Variants in MED27 observed in about 807,000 individuals in gnomAD.
MED27 encodes the protein mediator of RNA polymerase II transcription subunit 27.
In MED27, 30 loss-of-function variants were observed where a neutral mutation model predicts 38.2. The observed-to-expected ratio is 0.79, with a 90% CI of 0.59 to 1.07. The LOEUF (loss-of-function observed/expected upper bound fraction) is 1.07. Ranked by LOEUF, MED27 falls within the 50% of genes least tolerant of loss-of-function variation. MED27 has a pLI of 0.00. For missense variants in MED27, 289 were observed against 397.5 expected (o/e 0.73, Z 2.32); for synonymous variants, 122 against 153.5 (o/e 0.79, Z 1.52).
chr9:132,068,384 G>C (rs1833856104), intron 2 of MED27, among the ~76,000 whole-genome samples: 2 of 152,116 alleles, frequency 1.3e-5, no homozygotes, highest in African/African-American at 4.8e-5. Context: ...GAGAGAGGGA[G>C]GAAATCACCG....
chr9:131,972,787 G>A (rs967985625), intron 3 of MED27, among the ~76,000 whole-genome samples: 1 of 152,156 alleles, frequency 6.6e-6, no homozygotes, highest in Non-Finnish European at 1.5e-5. Flanking sequence ...CATCAGTCCT[G>A]TTCAGAAAAC....
At chr9:131,908,143 C>A (rs557046304) in intron 4 of MED27, among the ~76,000 whole-genome samples, 1 of 146,952 alleles carries the variant, frequency 6.8e-6, no homozygotes, top group African/African-American at 2.5e-5. Flanking sequence ...GTCAGCCCCC[C>A]GCTCGGCCAG....
chr9:131,907,249 C>T (rs564037051), intron 4 of MED27, among the ~76,000 whole-genome samples: 4 of 152,128 alleles, frequency 2.6e-5, no homozygotes, highest in Admixed American at 6.5e-5. Flanking sequence ...TCTCTTTCCA[C>T]GGTCTCCCTC....
chr9:131,907,355 C>T (rs1396547165), intron 4 of MED27, among the ~76,000 whole-genome samples: 2 of 152,152 alleles, frequency 1.3e-5, no homozygotes, highest in Admixed American at 1.3e-4. Context: ...GTGCCTGCGA[C>T]TGCAGGCACG....
chr9:132,052,602 G>T (rs1441920501), intron 2 of MED27, among the ~76,000 whole-genome samples: 1 of 151,782 alleles, frequency 6.6e-6, no homozygotes, highest in East Asian at 1.9e-4. Flanking sequence ...TGGTTTCAGC[G>T]TAACCATCAC....
intron 4 of MED27, among the ~76,000 whole-genome samples, chr9:131,930,560 C>G (rs888646060): frequency 2.0e-5 from 3 of 151,930 alleles, no homozygotes; most frequent in African/African-American, 7.3e-5. Flanking sequence ...CTTTTTCAGA[C>G]AAACAAAACC....
chr9:132,071,860 A>G (rs1351623787), intron 2 of MED27, among the ~76,000 whole-genome samples: 3 of 151,842 alleles, frequency 2.0e-5, no homozygotes, highest in Non-Finnish European at 2.9e-5. Context: ...GAACAAGCAC[A>G]CACACACACA....
At chr9:131,877,905 A>G (rs1038164687) in intron 6 of MED27, among the ~76,000 whole-genome samples, 8 of 152,156 alleles carry the variant, frequency 5.3e-5, no homozygotes, top group Non-Finnish European at 8.8e-5. Context: ...TCTTTTACTG[A>G]AAAGCACCTG....
intron 4 of MED27, among the ~76,000 whole-genome samples, chr9:131,928,212 A>G (rs1830516776): frequency 6.6e-6 from 1 of 152,154 alleles, no homozygotes; most frequent in South Asian, 2.1e-4. Context: ...GTCTTTCCCT[A>G]CTGATCACAA....
At chr9:131,999,863 T>C (rs1197038290) in intron 3 of MED27, among the ~76,000 whole-genome samples, 3 of 151,986 alleles carry the variant, frequency 2.0e-5, no homozygotes, top group East Asian at 3.9e-4. Flanking sequence ...TAAGCAAAAC[T>C]TGGAGTGTTT....
intron 4 of MED27, among the ~76,000 whole-genome samples, chr9:131,902,514 A>G (rs549149976): frequency 4.6e-5 from 7 of 152,334 alleles, no homozygotes; most frequent in Non-Finnish European, 7.3e-5. Flanking sequence ...CGGGACAGTA[A>G]CTGAATCATA....
At chr9:132,037,899 T>C (rs1421594211) in intron 2 of MED27, among the ~76,000 whole-genome samples, 1 of 152,076 alleles carries the variant, frequency 6.6e-6, no homozygotes, top group African/African-American at 2.4e-5. Flanking sequence ...GCAGGATATG[T>C]CATCTGCCTC....
chr9:131,893,760 A>G (rs1341482035), intron 5 of MED27, 125 bp downstream of exon 5: 1 of 681,066 alleles, frequency 1.5e-6, no homozygotes, highest in East Asian at 2.7e-5. Context: ...TCACACTGAC[A>G]AATCTATGTT....
rs561794960 is a variant in MED27 at position 132,068,635 on chromosome 9, G to A, written c.348+8807C>T. The stretch of plus-strand genomic sequence containing the variant: ...GAGGGTGTGAGGGACAGGCAGAAGC[G>A]ACGGATGACACCCAGGGATCTGGGT... On this transcript the variant is annotated intron_variant, in intron 2 of 7. Transcript: ENST00000292035. 2.6e-4 allele frequency among the ~76,000 whole-genome samples: 40 copies of A among 152,248 alleles called. No homozygotes were observed. In the East Asian group the frequency reaches 6.4e-3, roughly 24 times the overall value.
chr9:131,984,198 G>A (rs571291757), intron 3 of MED27, among the ~76,000 whole-genome samples: 18 of 152,236 alleles, frequency 1.2e-4, no homozygotes, highest in African/African-American at 4.3e-4. Context: ...ACCTCCCACA[G>A]GCCCAGCTCT....
At position 131,982,233 on chromosome 9, in the gene MED27, C is replaced by G. The variant is rs757676397; in HGVS notation, c.479+32104G>C. On this transcript the variant is annotated intron_variant, in intron 3 of 7. Transcript: ENST00000292035. This position sits in a 1 kb window ranked among gnomAD's most constrained non-coding sequence, Gnocchi z 4.3. ...CCTAAGCCCCAAGAATGCTTGGCAG[C>G]TTTTGCTTTCGCACTCTTGGGAACC... 8.5e-5 allele frequency among the ~76,000 whole-genome samples: 13 copies of G among 152,352 alleles called. No individual in the cohort carries two copies. The highest frequency in any genetic ancestry group is 2.1e-4 in the South Asian group (1 of 4,822).
In MED27 at chr9:131,863,060, T is replaced by C. The variant is rs1198475633; in HGVS notation, c.801+3A>G. Reference sequence around the variant, plus strand: ...AGGAGACCTGACTCTTGAAGCCACTTACCATGAAGGATCGGACCACGACAT... The same window carrying C: ...AGGAGACCTGACTCTTGAAGCCACTCACCATGAAGGATCGGACCACGACAT... On this transcript the variant is annotated splice_donor_region_variant and intron_variant, in intron 7 of 7. Transcript: ENST00000292035. 6.2e-7 allele frequency: 1 copy of C among 1,613,874 alleles called. No individual in the cohort carries two copies. Among genetic ancestry groups the C allele is most frequent in the South Asian group, 1.1e-5 (1 of 91,056 alleles).
intron 3 of MED27, among the ~76,000 whole-genome samples, chr9:132,008,693 C>T (rs979310368): frequency 5.5e-4 from 84 of 152,322 alleles, no homozygotes; most frequent in Admixed American, 1.8e-3. Flanking sequence ...ATTCCTGCCA[C>T]GCCTGTGCTC....
At chr9:131,976,234 C>G (rs889694534) in intron 3 of MED27, among the ~76,000 whole-genome samples, 1 of 152,150 alleles carries the variant, frequency 6.6e-6, no homozygotes, top group African/African-American at 2.4e-5. Context: ...GAACTAAAGT[C>G]AGGTGAGCCC....
Sources: gnomAD v4.1 joint callset for allele counts (sites outside exome capture counted in the v4.1 genomes callset) on GRCh38, gnomAD v4.1.1 for gene constraint, Gnocchi (gnomAD v3.1) non-coding constraint, MANE v1.5 for transcripts, NCBI Gene and HGNC (gene_info 2026-07-23, HGNC 2026-07-21) for gene names.